IGSF10: variants seen among roughly 807,000 people sequenced by gnomAD.
The protein encoded by IGSF10 is immunoglobulin superfamily member 10.
In IGSF10, 126 loss-of-function variants were observed where a neutral mutation model predicts 128.2. That is an observed-to-expected ratio of 0.98 (90% CI 0.85 to 1.14). IGSF10 has a LOEUF of 1.14. Ranked by LOEUF, IGSF10 falls within the 50% of genes most tolerant of loss-of-function variation. The pLI is 0.00. For missense variants in IGSF10, 3,295 were observed against 3,149.8 expected, an observed-to-expected ratio of 1.05 and a Z score of -1.10; for synonymous variants, 1,185 against 1,146.2, an observed-to-expected ratio of 1.03 and a Z score of -0.68.
chr3:151,589,505 G>C, the IGSF10 span, among the ~76,000 whole-genome samples: 1 of 152,184 alleles, frequency 6.6e-6, no homozygotes. Flanking sequence ...TTGGAAGTGA[G>C]AGAAACTCTG....
the IGSF10 span, among the ~76,000 whole-genome samples, chr3:151,523,579 T>C: frequency 3.9e-5 from 6 of 152,154 alleles, no homozygotes; most frequent in Non-Finnish European, 8.8e-5. Context: ...AAGAGTCCTA[T>C]TCAATAAATG....
the IGSF10 span, among the ~76,000 whole-genome samples, chr3:151,546,042 C>A: frequency 0.59 from 76,156 of 129,390 alleles, 20,510 homozygotes; most frequent in African/African-American, 0.7. Flanking sequence ...TATGTGGCCA[C>A]AAAAAAAAAA....
intron 6 of IGSF10, among the ~76,000 whole-genome samples, chr3:151,444,508 C>G (rs73008601): frequency 5.9e-5 from 9 of 152,056 alleles, no homozygotes; most frequent in Admixed American, 5.9e-4. Context: ...AGGGGTTTCA[C>G]CATGTTGGCC....
rs754965156 is a variant in IGSF10, at chr3:151,437,943, G to C, written c.6618C>G (p.Leu2206=). The C allele has an allele frequency of 9.3e-6, 15 of 1,614,174 alleles. No homozygotes were observed. Among genetic ancestry groups the C allele is most frequent in the Non-Finnish European group, 1.3e-5 (15 of 1,180,028 alleles). The part of the protein sequence containing the change: ...GSLTINKVKL[L]DSGEYVCVAR... ...CTACACATACGTACTCTCCAGAATC[G>C]AGCAGTTTCACTTTGTTGATGGTCA... The change falls in exon 8 of 8, where the codon CTC becomes CTG. Residue 2206 remains leucine (L), a synonymous_variant. Transcript: ENST00000282466.
the IGSF10 span, among the ~76,000 whole-genome samples, chr3:151,601,403 G>A: frequency 6.6e-6 from 1 of 152,068 alleles, no homozygotes; most frequent in Admixed American, 6.6e-5. Context: ...AAACAAAAAT[G>A]GAATTTGGAA....
At chr3:151,489,980 T>C in the IGSF10 span, among the ~76,000 whole-genome samples, 128,544 of 152,104 alleles carry the variant, frequency 0.85, 54,613 homozygotes, top group Middle Eastern at 0.94. Flanking sequence ...TAACAAAAGA[T>C]GAAGGAATGA....
the IGSF10 span, among the ~76,000 whole-genome samples, chr3:151,490,593 A>G: frequency 6.6e-6 from 1 of 152,134 alleles, no homozygotes; most frequent in South Asian, 2.1e-4. Flanking sequence ...TAGCATTCAT[A>G]AAACATTCTC....
At chr3:151,579,261 A>G in the IGSF10 span, among the ~76,000 whole-genome samples, 63 of 152,296 alleles carry the variant, frequency 4.1e-4, no homozygotes, top group African/African-American at 1.4e-3. Flanking sequence ...AATTCTGGAT[A>G]TAAATACTAT....
upstream of IGSF10, among the ~76,000 whole-genome samples, chr3:151,463,543 T>TTTTG (rs1722158704): frequency 3.8e-5 from 4 of 106,558 alleles, no homozygotes; most frequent in South Asian, 6.8e-4. Flanking sequence ...TTTTTTTTTT[T>TTTTG]TTTTTTTTTT....
At chr3:151,599,134 C>G in the IGSF10 span, among the ~76,000 whole-genome samples, 1 of 151,990 alleles carries the variant, frequency 6.6e-6, no homozygotes, top group East Asian at 1.9e-4. Context: ...TGGGAGCCGT[C>G]GAGTGGAAAA....
In IGSF10 at chr3:151,436,410, T is replaced by G; in HGVS notation, c.*279A>C. 1.5e-5 allele frequency: 4 copies of G among 258,322 alleles called. No homozygotes were observed. Among genetic ancestry groups the G allele is most frequent in the Non-Finnish European group, 1.5e-5 (2 of 136,242 alleles). The allele number at this position is 258,322 out of a possible 1,614,324, so 16.0% of individuals were successfully genotyped here. A position where few individuals can be genotyped will look rare whatever the true frequency, so the allele number is the denominator to read the frequency against. On this transcript the variant is annotated 3_prime_UTR_variant, in exon 8 of 8. Coordinates refer to ENST00000282466, the MANE Select transcript of IGSF10 (RefSeq NM_178822.5). ...CTGAAAAATTCAGGTACATTAGCCA[T>G]TTGTTATTTTATAGTGAACCGTTTC...
chr3:151,572,255 C>A, the IGSF10 span, among the ~76,000 whole-genome samples: 3 of 152,130 alleles, frequency 2.0e-5, no homozygotes, highest in African/African-American at 7.2e-5. Flanking sequence ...AGGGAGGATT[C>A]TCTCTTTTTC....
At position 151,448,811 on chromosome 3, in the gene IGSF10, C is replaced by A. The variant is rs1401649821; in HGVS notation, c.1170G>T (p.Arg390Ser). The change falls in exon 6 of 8, where the codon AGG becomes AGT. Residue 390 changes from arginine to serine, a missense_variant. Transcript: ENST00000282466. Reference protein sequence around the residue: ...LYSDSPLILERSHLLSETPQL... With the variant: ...LYSDSPLILESSHLLSETPQL... The stretch of plus-strand genomic sequence containing the variant: ...GCGGTGTTTCACTAAGCAAGTGGCT[C>A]CTTTCTAGTATCAGAGGAGAATCAC... The A allele has an allele frequency of 6.2e-7, 1 of 1,613,226 alleles. No individual in the cohort carries two copies. The highest frequency in any genetic ancestry group is 1.3e-5 in the African/African-American group (1 of 74,902).
In IGSF10 at chr3:151,436,383, T is replaced by TA. The variant is rs1438222183; in HGVS notation, c.*305dup. On this transcript the variant is annotated 3_prime_UTR_variant, in exon 8 of 8. Coordinates refer to ENST00000282466, the MANE Select transcript of IGSF10 (RefSeq NM_178822.5). Reference sequence around the variant, plus strand: ...AACTGGTATTAGAAGTTCATTTTTTTACTGAAAAATTCAGGTACATTAGCC... The same window carrying TA: ...AACTGGTATTAGAAGTTCATTTTTTTAACTGAAAAATTCAGGTACATTAGCC... 5 of 232,122 alleles carry TA rather than the reference T, an allele frequency of 2.2e-5. No individual in the cohort carries two copies. The highest frequency in any genetic ancestry group is 4.2e-5 in the Non-Finnish European group (5 of 118,842). 14.4% of individuals were successfully genotyped at this position (232,122 alleles called of 1,614,324 possible).
At chr3:151,473,647 C>G in the IGSF10 span, among the ~76,000 whole-genome samples, 11 of 152,126 alleles carry the variant, frequency 7.2e-5, no homozygotes, top group African/African-American at 2.4e-4. Flanking sequence ...GTAAATTTCC[C>G]ACTGGATGTT....
At position 151,443,197 on chromosome 3, in the gene IGSF10, CATT is replaced by C; in HGVS notation, c.5747_5749del (p.Glu1916_Cys1917delinsGly). On this transcript the variant is annotated inframe_deletion, in exon 7 of 8. Coordinates refer to ENST00000282466, the MANE Select transcript of IGSF10 (RefSeq NM_178822.5). Reference sequence around the variant, plus strand: ...CGAACCAGTGGAACTGGTAGCAATGCATTCATAAGTGCCCCTGTCTGAAGAGGC... The same window carrying C: ...CGAACCAGTGGAACTGGTAGCAATGCCATAAGTGCCCCTGTCTGAAGAGGC... 2 of 1,614,166 alleles carry C rather than the reference CATT, an allele frequency of 1.2e-6. No individual in the cohort carries two copies. The highest frequency in any genetic ancestry group is 1.7e-6 in the Non-Finnish European group (2 of 1,179,992).
chr3:151,587,795 C>A, the IGSF10 span, among the ~76,000 whole-genome samples: 434 of 152,304 alleles, frequency 2.8e-3, 2 homozygotes, highest in African/African-American at 1.0e-2. Flanking sequence ...GAATGAGACT[C>A]ATGAGATCTG....
the IGSF10 span, among the ~76,000 whole-genome samples, chr3:151,587,266 A>AGT: frequency 5.9e-5 from 9 of 152,162 alleles, no homozygotes; most frequent in African/African-American, 1.4e-4. Flanking sequence ...ATCACGTCAG[A>AGT]ATTTTCTCCT....
Position 151,448,305 on chromosome 3 carries a change from GCAT to G in IGSF10, c.1673_1675del (p.Asp558del). On this transcript the variant is annotated inframe_deletion, in exon 6 of 8. Transcript: ENST00000282466. ...AGTTATCCTATAGGTGAGAATATCT[GCAT>G]CATCATAATTGCTGCTTATACAGTG... 1.2e-6 allele frequency: 2 copies of G among 1,614,198 alleles called. No homozygotes were observed. Among genetic ancestry groups the G allele is most frequent in the Non-Finnish European group, 1.7e-6 (2 of 1,180,018 alleles).
Sources: allele counts gnomAD v4.1 joint callset (sites outside exome capture counted in the v4.1 genomes callset), GRCh38; gene constraint gnomAD v4.1.1; transcripts MANE v1.5; gene names NCBI Gene and HGNC (gene_info 2026-07-23, HGNC 2026-07-21).